Variants in USH2A observed in about 807,000 individuals in gnomAD.
The protein encoded by USH2A is usherin.
USH2A carries 443 observed loss-of-function variants against 538.9 expected under a neutral mutation model. The observed-to-expected ratio is 0.82, with a 90% CI of 0.76 to 0.89. The LOEUF (loss-of-function observed/expected upper bound fraction) is 0.89, where lower values mean the gene tolerates loss of function less well. USH2A is among the 40% of genes least tolerant of loss of function. USH2A has a pLI of 0.00. For synonymous variants in USH2A, 2,413 were observed against 2,273.5 expected (o/e 1.06, Z -1.75); for missense variants, 6,633 against 6,324.8 (o/e 1.05, Z -1.65).
At chr1:215,755,386 A>T (rs973838507) in intron 58 of USH2A, among the ~76,000 whole-genome samples, 12 of 152,190 alleles carry the variant, frequency 7.9e-5, no homozygotes, top group African/African-American at 2.9e-4. Context: ...GAGCAAATAA[A>T]CAATCTCCAC....
intron 36 of USH2A, among the ~76,000 whole-genome samples, chr1:215,969,339 G>T (rs2102457330): frequency 6.6e-6 from 1 of 152,198 alleles, no homozygotes; most frequent in South Asian, 2.1e-4. Context: ...CTTCCTATCA[G>T]AGCTTTGTGG....
intron 40 of USH2A, among the ~76,000 whole-genome samples, chr1:215,889,413 A>AT (rs1665152632): frequency 1.3e-5 from 2 of 152,204 alleles, no homozygotes; most frequent in South Asian, 2.1e-4. Context: ...CTTCCCCTAC[A>AT]TTTTTTTCTA....
intron 31 of USH2A, among the ~76,000 whole-genome samples, chr1:216,048,153 T>C (rs768294312): frequency 6.6e-6 from 1 of 152,218 alleles, no homozygotes; most frequent in Non-Finnish European, 1.5e-5. Flanking sequence ...ATTCTCAATT[T>C]CATACTGTGC....
At position 215,970,664 on chromosome 1, in the gene USH2A, G is replaced by T. The variant is rs1274404420; in HGVS notation, c.6918C>A (p.Val2306=). ...CACAACCTTTGGCCGTGCATGCTTGGACTCTGAAGGAATGTAAACTCCAAG... is the reference window on the plus strand; with the variant it reads ...CACAACCTTTGGCCGTGCATGCTTGTACTCTGAAGGAATGTAAACTCCAAG... ...FAPWSLHSFR[V]QACTAKGCAL... The change falls in exon 36 of 72, where the codon GTC becomes GTA. Residue 2306 remains valine (V), a synonymous_variant. Coordinates refer to ENST00000307340, the MANE Select transcript of USH2A (RefSeq NM_206933.4). 2 of 1,613,638 alleles carry T rather than the reference G, an allele frequency of 1.2e-6. No individual in the cohort carries two copies. Among genetic ancestry groups the T allele is most frequent in the Non-Finnish European group, 8.5e-7 (1 of 1,179,752 alleles).
intron 29 of USH2A, 173 bp downstream of exon 29, chr1:216,072,716 C>G: frequency 1.5e-6 from 1 of 666,366 alleles, no homozygotes. Flanking sequence ...ATGAAAAGCA[C>G]TGATCTACTA....
In USH2A at chr1:216,368,568, A is replaced by G. The variant is rs532002743; in HGVS notation, c.652-3483T>C. Among the ~76,000 whole-genome samples the G allele has an allele frequency of 3.9e-5, 6 of 152,328 alleles. No homozygotes were observed. The South Asian group carries it at 8.3e-4, about 21-fold the overall frequency. On this transcript the variant is annotated intron_variant, in intron 3 of 71. Coordinates refer to ENST00000307340, the MANE Select transcript of USH2A (RefSeq NM_206933.4). The stretch of plus-strand genomic sequence containing the variant: ...TTCATAAAGCATCAACTCGGTACCC[A>G]CAGTGGCCCTATGAGCTACACCAAC...
intron 13 of USH2A, among the ~76,000 whole-genome samples, chr1:216,233,940 C>T (rs998720258): frequency 6.6e-6 from 1 of 152,016 alleles, no homozygotes; most frequent in Non-Finnish European, 1.5e-5. Context: ...GTGCAAAATG[C>T]TGCAAAGAAT....
intron 44 of USH2A, among the ~76,000 whole-genome samples, chr1:215,849,199 G>A (rs182634506): frequency 2.2e-4 from 33 of 152,254 alleles, no homozygotes; most frequent in African/African-American, 7.2e-4. Flanking sequence ...GAAGTTTTGT[G>A]TATATTACTT....
At chr1:215,892,664 T>A (rs942566823) in intron 40 of USH2A, among the ~76,000 whole-genome samples, 1 of 152,184 alleles carries the variant, frequency 6.6e-6, no homozygotes, top group Admixed American at 6.5e-5. Context: ...TAAAGAAATA[T>A]TATTAATCTT....
chr1:216,107,832 G>A (rs1460859808), intron 21 of USH2A, among the ~76,000 whole-genome samples: 1 of 151,396 alleles, frequency 6.6e-6, no homozygotes, highest in Non-Finnish European at 1.5e-5. Context: ...GCTCTCTAAG[G>A]ATCATCATAT....
intron 7 of USH2A, 57 bp from the exon 8 acceptor site, chr1:216,323,752 GA>G: frequency 6.5e-7 from 1 of 1,537,278 alleles, no homozygotes; most frequent in Non-Finnish European, 9.0e-7. Context: ...TGGCAAAACA[GA>G]AATCAAAATG....
intron 21 of USH2A, among the ~76,000 whole-genome samples, chr1:216,109,371 G>A (rs907642744): frequency 2.4e-4 from 36 of 152,042 alleles, no homozygotes; most frequent in African/African-American, 8.0e-4. Flanking sequence ...ATACTCCTCC[G>A]CTGTCTGAAC....
At chr1:216,068,185 G>A (rs1019873087) in intron 30 of USH2A, among the ~76,000 whole-genome samples, 5 of 152,164 alleles carry the variant, frequency 3.3e-5, no homozygotes, top group Admixed American at 3.3e-4. Flanking sequence ...TGCTCGTCAC[G>A]AAAGTAATGA....
intron 27 of USH2A, among the ~76,000 whole-genome samples, chr1:216,074,990 G>A (rs1038514525): frequency 1.1e-4 from 17 of 151,986 alleles, no homozygotes; most frequent in African/African-American, 4.1e-4. Flanking sequence ...ATTTAAAAAT[G>A]GTTACAATGG....
chr1:215,656,516 C>A (rs555400091), intron 64 of USH2A, among the ~76,000 whole-genome samples: 3 of 152,246 alleles, frequency 2.0e-5, no homozygotes, highest in East Asian at 1.9e-4. Flanking sequence ...CAGGAGTAAC[C>A]AAATTCAGCC....
intron 64 of USH2A, among the ~76,000 whole-genome samples, chr1:215,654,620 T>A (rs1164905489): frequency 6.6e-6 from 1 of 152,218 alleles, no homozygotes; most frequent in African/African-American, 2.4e-5. Flanking sequence ...GTTTCTGTTG[T>A]AACCATGAAG....
chr1:216,010,829 G>A (rs891357380), intron 32 of USH2A, among the ~76,000 whole-genome samples: 2 of 151,506 alleles, frequency 1.3e-5, no homozygotes, highest in African/African-American at 4.9e-5. Flanking sequence ...TCTCATTGCT[G>A]CCCCTCTTCC....
Position 215,806,386 on chromosome 1 carries a change from C to A in USH2A, c.9740-7261G>T, listed in dbSNP as rs533866849. Among the ~76,000 whole-genome samples, 3 of 152,034 alleles carry A rather than the reference C, an allele frequency of 2.0e-5. No individual in the cohort carries two copies. The South Asian group carries it at 6.2e-4, about 32-fold the overall frequency. ...TTCTGTAACTCCCAGGAGAAGAATG[C>A]CTGGCCTATAATTTGGTGGTAGCAC... is the stretch of plus-strand genomic sequence containing the variant. On this transcript the variant is annotated intron_variant, in intron 49 of 71. Coordinates refer to ENST00000307340, the MANE Select transcript of USH2A (RefSeq NM_206933.4).
At chr1:216,064,714 T>C (rs780652193) in intron 30 of USH2A, among the ~76,000 whole-genome samples, 16 of 151,818 alleles carry the variant, frequency 1.1e-4, no homozygotes, top group African/African-American at 2.2e-4. Flanking sequence ...ATACTTACCA[T>C]TGAGTTATAG....
Sources: allele counts gnomAD v4.1 joint callset (sites outside exome capture counted in the v4.1 genomes callset), GRCh38; gene constraint gnomAD v4.1.1; transcripts MANE v1.5; gene names NCBI Gene and HGNC (gene_info 2026-07-23, HGNC 2026-07-21).